Variants in PXDN observed in about 807,000 individuals in gnomAD.
The protein encoded by PXDN is peroxidasin.
A neutral mutation model predicts 140.3 loss-of-function variants in PXDN; 77 were observed. The ratio of observed to expected loss-of-function variants is 0.55; its 90% CI spans 0.46 to 0.66. The LOEUF is 0.66. Among genes scored for constraint, PXDN ranks in the 30% least tolerant of loss-of-function variants. The pLI is 0.00. For synonymous variants in PXDN, 911 were observed against 857.4 expected (o/e 1.06, Z -1.09); for missense variants, 1,838 against 2,039.5 (o/e 0.90, Z 1.90).
intron 1 of PXDN, among the ~76,000 whole-genome samples, chr2:1,706,166 G>T (rs1484439571): frequency 6.6e-6 from 1 of 152,170 alleles, no homozygotes; most frequent in Non-Finnish European, 1.5e-5. Context: ...GACCTTCAGT[G>T]AGAGTTAGGA....
chr2:1,736,304 C>G (rs1685423785), intron 1 of PXDN, among the ~76,000 whole-genome samples: 1 of 152,186 alleles, frequency 6.6e-6, no homozygotes, highest in African/African-American at 2.4e-5. Flanking sequence ...GGACATGCAA[C>G]TCTTCCTTTC....
intron 16 of PXDN, among the ~76,000 whole-genome samples, chr2:1,652,283 T>G (rs1014398336): frequency 6.6e-6 from 1 of 152,054 alleles, no homozygotes; most frequent in Non-Finnish European, 1.5e-5. Flanking sequence ...TGAAGAAAGG[T>G]AGGGAGTAGC....
At chr2:1,640,797 C>T (rs930640646) in intron 19 of PXDN, among the ~76,000 whole-genome samples, 3 of 152,222 alleles carry the variant, frequency 2.0e-5, no homozygotes, top group African/African-American at 7.2e-5. Context: ...CTGTGCAGGT[C>T]TGGGGTGGGT....
intron 22 of PXDN, among the ~76,000 whole-genome samples, chr2:1,634,657 C>T (rs1001428100): frequency 6.6e-6 from 1 of 152,224 alleles, no homozygotes; most frequent in African/African-American, 2.4e-5. Flanking sequence ...TGGATCCCCT[C>T]GGACTGTGTC....
At chr2:1,712,327 TATC>T (rs1684803455) in intron 1 of PXDN, among the ~76,000 whole-genome samples, 1 of 152,224 alleles carries the variant, frequency 6.6e-6, no homozygotes, top group African/African-American at 2.4e-5. Context: ...TTAATGACAA[TATC>T]ATTTTCTTCT....
At position 1,685,019 on chromosome 2, in the gene PXDN, TTCA is replaced by T. The variant is rs1354979103; in HGVS notation, c.417-871_417-869del. On this transcript the variant is annotated intron_variant, in intron 4 of 22. Transcript: ENST00000252804. This position sits in a 1 kb window ranked among gnomAD's most constrained non-coding sequence, Gnocchi z 5.1. ...AGCAGCATGCCAGCGTTCACAGGTC[TTCA>T]TAACTCCACAGAAAGGAGGACTCCT... is the stretch of plus-strand genomic sequence containing the variant. 2.0e-5 allele frequency among the ~76,000 whole-genome samples: 3 copies of T among 152,216 alleles called. No individual in the cohort carries two copies. The highest frequency in any genetic ancestry group is 7.2e-5 in the African/African-American group (3 of 41,458).
chr2:1,737,275 C>T (rs1258415943), intron 1 of PXDN, among the ~76,000 whole-genome samples: 1 of 152,154 alleles, frequency 6.6e-6, no homozygotes, highest in Non-Finnish European at 1.5e-5. Context: ...CTCCCATCCT[C>T]TTAGCTTGAA....
At chr2:1,646,544 A>T (rs552407256) in intron 17 of PXDN, among the ~76,000 whole-genome samples, 47 of 152,354 alleles carry the variant, frequency 3.1e-4, no homozygotes, top group African/African-American at 1.0e-3. Flanking sequence ...CCAGTAATTT[A>T]AGCGCATTAT....
At chr2:1,691,896 C>A (rs766956844) in intron 3 of PXDN, 32 bp downstream of exon 3, 2 of 1,354,940 alleles carry the variant, frequency 1.5e-6, no homozygotes. Context: ...ATACCATAAG[C>A]TTTTAGGTTA....
At chr2:1,704,988 TGA>T (rs1443259909) in intron 1 of PXDN, among the ~76,000 whole-genome samples, 1 of 152,060 alleles carries the variant, frequency 6.6e-6, no homozygotes, top group Non-Finnish European at 1.5e-5. Context: ...GAGGATGTAA[TGA>T]GAGGATGCAC....
At chr2:1,647,530 G>A (rs1682877184) in intron 17 of PXDN, among the ~76,000 whole-genome samples, 1 of 152,244 alleles carries the variant, frequency 6.6e-6, no homozygotes, top group Admixed American at 6.5e-5. Flanking sequence ...TCTCAGGGGT[G>A]ACAGCGTCCC....
At chr2:1,655,309 A>T (rs892461504) in intron 14 of PXDN, among the ~76,000 whole-genome samples, 2 of 150,824 alleles carry the variant, frequency 1.3e-5, no homozygotes, top group Non-Finnish European at 3.0e-5. Context: ...ATAACACATC[A>T]CACACACGCC....
At chr2:1,676,593 G>A in intron 8 of PXDN, 1 of 359,540 alleles carries the variant, frequency 2.8e-6, no homozygotes, top group South Asian at 3.3e-5. Flanking sequence ...AGAGCAAACA[G>A]GCTGCTGCCA....
rs777464604 is a variant in PXDN at position 1,683,637 on chromosome 2, C to G, written c.560+19G>C. ...AGAAGGCTTTGCAGCAAAGAAAACACAAAAGGTTTTATACTCACAATCTCT... is the reference window on the plus strand; with the variant it reads ...AGAAGGCTTTGCAGCAAAGAAAACAGAAAAGGTTTTATACTCACAATCTCT... On this transcript the variant is annotated intron_variant, in intron 6 of 22. Transcript: ENST00000252804. The G allele has an allele frequency of 1.4e-6, 2 of 1,462,090 alleles. No homozygotes were observed. Among genetic ancestry groups the G allele is most frequent in the South Asian group, 2.7e-5 (2 of 73,180 alleles). The allele number at this position is 1,462,090 out of a possible 1,614,324, so 90.6% of individuals were successfully genotyped here.
At chr2:1,734,446 G>A (rs576658095) in intron 1 of PXDN, among the ~76,000 whole-genome samples, 19 of 152,228 alleles carry the variant, frequency 1.2e-4, no homozygotes, top group South Asian at 8.3e-4. Context: ...GGGTAGCTGC[G>A]GCAATTTCTG....
At chr2:1,678,576 C>T (rs1683786456) in intron 7 of PXDN, among the ~76,000 whole-genome samples, 1 of 152,210 alleles carries the variant, frequency 6.6e-6, no homozygotes, top group East Asian at 1.9e-4. Flanking sequence ...GGCCATGAGT[C>T]GGTTTCTTGG....
intron 1 of PXDN, among the ~76,000 whole-genome samples, chr2:1,734,799 G>A (rs1003263943): frequency 3.9e-5 from 6 of 152,268 alleles, no homozygotes; most frequent in South Asian, 4.2e-4. Context: ...CCTGGGAGGC[G>A]GAGGTTGCAG....
rs763630854 is a variant in PXDN at position 1,653,783 on chromosome 2, C to T, written c.1949G>A (p.Arg650His). ...NSTRTHLFDS[R>H]PRSPNDLLAL... ...CAGCAAATCATTTGGAGAACGAGGA[C>T]GGCTAACCAGAGTTTAGGGGGAAGA... is the stretch of plus-strand genomic sequence containing the variant. The change falls in exon 16 of 23, where the codon CGT becomes CAT. Residue 650 changes from arginine (R) to histidine (H), a missense_variant and splice_region_variant. Around this residue, in one of 5 missense-constraint regions of PXDN, gnomAD observed 537 missense variants for 583.9 expected, o/e 0.92. Transcript: ENST00000252804. 1.8e-5 allele frequency: 28 copies of T among 1,566,154 alleles called. No homozygotes were observed. Among genetic ancestry groups the T allele is most frequent in the South Asian group, 5.9e-5 (5 of 85,236 alleles).
chr2:1,706,875 A>G (rs373873797), intron 1 of PXDN, among the ~76,000 whole-genome samples: 259 of 135,186 alleles, frequency 1.9e-3, no homozygotes, highest in East Asian at 8.2e-3. Flanking sequence ...TCTAAGCATC[A>G]CCTGCCCCAC....
Sources: gnomAD v4.1 joint callset for allele counts (sites outside exome capture counted in the v4.1 genomes callset) on GRCh38, gnomAD v4.1.1 for gene constraint, gnomAD v4.1.1 regional missense constraint, Gnocchi (gnomAD v3.1) non-coding constraint, MANE v1.5 for transcripts, NCBI Gene and HGNC (gene_info 2026-07-23, HGNC 2026-07-21) for gene names.